PDE10A: variants seen among roughly 807,000 people sequenced by gnomAD.
The protein encoded by PDE10A is phosphodiesterase 10A.
PDE10A carries 39 observed loss-of-function variants against 97.7 expected under a neutral mutation model. The observed-to-expected ratio is 0.40, with a 90% CI of 0.31 to 0.52. The LOEUF (loss-of-function observed/expected upper bound fraction) is 0.52, where lower values mean the gene tolerates loss of function less well. Ranked by LOEUF, PDE10A falls within the 20% of genes least tolerant of loss-of-function variation. PDE10A has a pLI of 0.56. For synonymous variants in PDE10A, 371 were observed against 376.8 expected, an observed-to-expected ratio of 0.98 and a Z score of 0.18; for missense variants, 731 against 1,047.8, an observed-to-expected ratio of 0.70 and a Z score of 4.17.
intron 1 of PDE10A, among the ~76,000 whole-genome samples, chr6:165,898,082 G>T (rs187314081): frequency 6.8e-6 from 1 of 146,984 alleles, no homozygotes; most frequent in Non-Finnish European, 1.5e-5. Context: ...CCTACCTTGC[G>T]CTGGGGAGGC....
intron 1 of PDE10A, among the ~76,000 whole-genome samples, chr6:165,677,928 A>T (rs989509544): frequency 6.6e-6 from 1 of 151,518 alleles, no homozygotes; most frequent in Non-Finnish European, 1.5e-5. Context: ...GTTTTTGTAC[A>T]TCTGTATTTG....
chr6:165,565,820 T>C (rs1377409634), intron 1 of PDE10A, among the ~76,000 whole-genome samples: 2 of 151,966 alleles, frequency 1.3e-5, no homozygotes, highest in South Asian at 2.1e-4. Flanking sequence ...GCAAATGCAA[T>C]ACAGTAGAGA....
At chr6:165,821,920 G>A (rs151072079) in intron 1 of PDE10A, among the ~76,000 whole-genome samples, 344 of 151,942 alleles carry the variant, frequency 2.3e-3, no homozygotes, top group African/African-American at 8.0e-3. Flanking sequence ...TCCCTGCCTT[G>A]TAATTAGAAG....
At chr6:165,387,626 A>T (rs2128212390) in intron 17 of PDE10A, among the ~76,000 whole-genome samples, 1 of 152,342 alleles carries the variant, frequency 6.6e-6, no homozygotes, top group East Asian at 1.9e-4. Flanking sequence ...AGACCTAACG[A>T]GGATTTCTCT....
At chr6:165,336,233 G>A (rs774929597) in intron 20 of PDE10A, 22 bp from the exon 21 acceptor site, 19 of 1,575,468 alleles carry the variant, frequency 1.2e-5, no homozygotes, top group Admixed American at 3.3e-5. Context: ...CAAAAACCAC[G>A]GACAAGAAAC....
At chr6:165,742,736 T>C (rs1051908104) in intron 1 of PDE10A, among the ~76,000 whole-genome samples, 1 of 152,154 alleles carries the variant, frequency 6.6e-6, no homozygotes, top group Non-Finnish European at 1.5e-5. Context: ...TGGTCCCAGC[T>C]ACCCTGCATC....
At chr6:165,411,372 G>T (rs537634071) in intron 13 of PDE10A, among the ~76,000 whole-genome samples, 1 of 152,168 alleles carries the variant, frequency 6.6e-6, no homozygotes, top group Non-Finnish European at 1.5e-5. Flanking sequence ...TAAAGCGTGG[G>T]TCCTAATCTC....
chr6:165,345,644 A>C (rs1782259185), intron 18 of PDE10A, among the ~76,000 whole-genome samples: 1 of 152,238 alleles, frequency 6.6e-6, no homozygotes, highest in Admixed American at 6.5e-5. Flanking sequence ...CGCTAAAAAC[A>C]ATCAAGGAGG....
chr6:165,539,408 G>A (rs1303397083), intron 2 of PDE10A, among the ~76,000 whole-genome samples: 2 of 152,092 alleles, frequency 1.3e-5, no homozygotes, highest in African/African-American at 2.4e-5. Flanking sequence ...CGTCGTAATC[G>A]CGCCTCTTTC....
intron 1 of PDE10A, among the ~76,000 whole-genome samples, chr6:165,640,073 A>C (rs1049861684): frequency 2.2e-5 from 1 of 45,764 alleles, no homozygotes; most frequent in African/African-American, 8.4e-5. Flanking sequence ...CTGTCACCAG[A>C]AAAAAAAAAA....
rs79184395 is a variant in PDE10A, at chr6:165,506,844, G to A, written c.995-24501C>T. ...TTCATTCTAGTACACTTGAAATACTGCCATAACAATCAAAGACTTATCTCT... is the reference window on the plus strand; with the variant it reads ...TTCATTCTAGTACACTTGAAATACTACCATAACAATCAAAGACTTATCTCT... On this transcript the variant is annotated intron_variant, in intron 2 of 21. Coordinates refer to ENST00000539869, the MANE Select transcript of PDE10A (RefSeq NM_001385079.1). Among the ~76,000 whole-genome samples, 1,389 of 152,122 alleles carry A rather than the reference G, an allele frequency of 9.1e-3. 20 individuals are homozygous for A. The highest frequency in any genetic ancestry group is 0.032 in the African/African-American group (1,314 of 41,494).
At chr6:165,756,207 A>G (rs564179399) in intron 1 of PDE10A, among the ~76,000 whole-genome samples, 3 of 152,376 alleles carry the variant, frequency 2.0e-5, no homozygotes, top group South Asian at 4.1e-4. Context: ...AATTGTATTA[A>G]GAAAAAGATT....
intron 1 of PDE10A, among the ~76,000 whole-genome samples, chr6:165,595,137 T>C (rs1419704120): frequency 1.3e-5 from 2 of 152,134 alleles, no homozygotes; most frequent in Admixed American, 6.5e-5. Flanking sequence ...GGTCCAGCCA[T>C]GTGGAAATGG....
At chr6:165,660,364 C>CG (rs770894922) in intron 1 of PDE10A, 99 of 152,282 alleles carry the variant, frequency 6.5e-4, no homozygotes, top group East Asian at 3.7e-3. Context: ...AGGCAGACAC[C>CG]GGGGGGGAGG....
At position 165,610,545 on chromosome 6, in the gene PDE10A, A is replaced by G. The variant is rs902639019; in HGVS notation, c.865+51402T>C. 8.8e-4 allele frequency among the ~76,000 whole-genome samples: 133 copies of G among 151,934 alleles called. 1 individual carries two copies. The East Asian group carries it at 0.023, about 26-fold the overall frequency. On this transcript the variant is annotated intron_variant, in intron 1 of 21. Transcript: ENST00000539869. ...GACTCCGTCTCAAAAAAAAAAAAAA[A>G]AAAAGAAAGAAATGGGGAAAGGATT...
intron 1 of PDE10A, among the ~76,000 whole-genome samples, chr6:165,717,730 C>A (rs1305543527): frequency 6.6e-6 from 1 of 152,180 alleles, no homozygotes; most frequent in South Asian, 2.1e-4. Context: ...GATGGTTGCA[C>A]TGTTTTACAT....
chr6:165,400,456 G>A lies in PDE10A; in HGVS notation c.2077-3997C>T, dbSNP rs552047956. On this transcript the variant is annotated intron_variant, in intron 13 of 21. Coordinates refer to ENST00000539869, the MANE Select transcript of PDE10A (RefSeq NM_001385079.1). ...AATAATCTATCTGATAAATGAAAAT[G>A]ACCTGTATCCAGAATATATAAAGAG... Among the ~76,000 whole-genome samples the A allele has an allele frequency of 1.8e-4, 28 of 152,242 alleles. No individual in the cohort carries two copies. In the East Asian group the frequency reaches 4.8e-3, roughly 26 times the overall value.
rs1357639726 is a variant in PDE10A at position 165,655,528 on chromosome 6, C to A, written c.865+6419G>T. 6.6e-6 allele frequency among the ~76,000 whole-genome samples: 1 copy of A among 152,056 alleles called. No homozygotes were observed. Among genetic ancestry groups the A allele is most frequent in the East Asian group, 1.9e-4 (1 of 5,174 alleles). ...CCAACCCACCTGCAGGTCTTATACA[C>A]GCCACCTCCAAACACCTCCTGAACC... is the stretch of plus-strand genomic sequence containing the variant. On this transcript the variant is annotated intron_variant, in intron 1 of 21. Coordinates refer to ENST00000539869, the MANE Select transcript of PDE10A (RefSeq NM_001385079.1). The surrounding 1 kb of genome is among the most constrained non-coding windows in gnomAD (Gnocchi z 4.5).
At chr6:165,650,892 C>T (rs1051629976) in intron 1 of PDE10A, among the ~76,000 whole-genome samples, 11 of 152,106 alleles carry the variant, frequency 7.2e-5, no homozygotes, top group Admixed American at 2.6e-4. Flanking sequence ...TGTGTGCCAC[C>T]GCACCCAGCT....
Sources: gnomAD v4.1 joint callset for allele counts (sites outside exome capture counted in the v4.1 genomes callset) on GRCh38, gnomAD v4.1.1 for gene constraint, Gnocchi (gnomAD v3.1) non-coding constraint, MANE v1.5 for transcripts, NCBI Gene and HGNC (gene_info 2026-07-23, HGNC 2026-07-21) for gene names.